The following SLC27A6 variants were observed in gnomAD, a reference collection of about 807,000 sequenced individuals.
SLC27A6 encodes long-chain fatty acid transport protein 6.
SLC27A6 carries 74 observed loss-of-function variants against 63.9 expected under a neutral mutation model. The ratio of observed to expected loss-of-function variants is 1.16; its 90% confidence interval spans 0.96 to 1.40. The LOEUF is 1.40. Among genes scored for constraint, SLC27A6 ranks in the 40% most tolerant of loss-of-function variants. SLC27A6 has a pLI of 0.00. For synonymous variants in SLC27A6, 287 were observed against 260.8 expected, an observed-to-expected ratio of 1.10 and a Z score of -0.97; for missense variants, 794 against 732.9, an observed-to-expected ratio of 1.08 and a Z score of -0.96.
At chr5:128,994,109 G>A (rs1358414624) in intron 4 of SLC27A6, among the ~76,000 whole-genome samples, 1 of 152,006 alleles carries the variant, frequency 6.6e-6, no homozygotes, top group East Asian at 1.9e-4. Flanking sequence ...TGGAGGTTGT[G>A]TGAGCCGAGA....
intron 4 of SLC27A6, among the ~76,000 whole-genome samples, chr5:129,015,308 C>T (rs1010365706): frequency 1.3e-5 from 2 of 151,976 alleles, no homozygotes; most frequent in African/African-American, 2.4e-5. Flanking sequence ...CATTCTAAAA[C>T]AATAATTACA....
chr5:128,995,481 C>A (rs1751126047), intron 4 of SLC27A6, among the ~76,000 whole-genome samples: 1 of 152,148 alleles, frequency 6.6e-6, no homozygotes, highest in Non-Finnish European at 1.5e-5. Flanking sequence ...CAGACAATGA[C>A]AAAGGTTATG....
chr5:129,007,464 A>T (rs199905863), intron 4 of SLC27A6, among the ~76,000 whole-genome samples: 2,123 of 84,192 alleles, frequency 0.025, 32 homozygotes, highest in Middle Eastern at 0.074. Context: ...AAAAAAAAAA[A>T]ATATAATGTT....
chr5:128,999,351 C>T (rs1282692764), intron 4 of SLC27A6, among the ~76,000 whole-genome samples: 2 of 152,104 alleles, frequency 1.3e-5, no homozygotes, highest in Non-Finnish European at 2.9e-5. Flanking sequence ...CAGTTTATGG[C>T]TTCAAAGTCT....
chr5:129,022,254 T>C (rs1319755861), intron 5 of SLC27A6, among the ~76,000 whole-genome samples: 1 of 152,198 alleles, frequency 6.6e-6, no homozygotes, highest in Non-Finnish European at 1.5e-5. Flanking sequence ...ATAATATTAA[T>C]TTCTACATCA....
intron 4 of SLC27A6, among the ~76,000 whole-genome samples, chr5:129,007,936 TAAC>T (rs926138106): frequency 2.2e-4 from 33 of 152,210 alleles, no homozygotes; most frequent in African/African-American, 5.3e-4. Flanking sequence ...ATTTGAATGA[TAAC>T]AATTTGGAAT....
intron 1 of SLC27A6, among the ~76,000 whole-genome samples, chr5:128,981,098 GA>G (rs941338349): frequency 1.3e-5 from 2 of 152,014 alleles, no homozygotes; most frequent in South Asian, 2.1e-4. Flanking sequence ...CATGTGGGAG[GA>G]AAAAAATATG....
chr5:129,029,429 G>A, intron 8 of SLC27A6, 148 bp from the exon 9 acceptor site: 2 of 559,514 alleles, frequency 3.6e-6, no homozygotes, highest in Non-Finnish European at 3.1e-6. Context: ...TATGTTCAGG[G>A]AAGGATACAG....
At chr5:129,013,416 G>A (rs1751790492) in intron 4 of SLC27A6, among the ~76,000 whole-genome samples, 1 of 152,030 alleles carries the variant, frequency 6.6e-6, no homozygotes, top group South Asian at 2.1e-4. Context: ...CTTTAGCTGA[G>A]TATAGAATGC....
chr5:128,965,983 C>T lies in SLC27A6; in HGVS notation c.-155C>T. The T allele has an allele frequency of 1.3e-6, 1 of 796,680 alleles. No homozygotes were observed. Among genetic ancestry groups the T allele is most frequent in the Non-Finnish European group, 1.8e-6 (1 of 550,050 alleles). The allele number at this position is 796,680 out of a possible 1,614,324, so 49.4% of individuals were successfully genotyped here. A position where few individuals can be genotyped will look rare whatever the true frequency, so the allele number is the denominator to read the frequency against. ...CCTACGATTCTGTTTCTCAGGATTC[C>T]TCCCCATCCCGCTTCGCCCCGGAAA... On this transcript the variant is annotated 5_prime_UTR_variant, in exon 1 of 10. Coordinates refer to ENST00000262462, the MANE Select transcript of SLC27A6 (RefSeq NM_001017372.3).
chr5:128,982,399 T>A (rs918209645), intron 1 of SLC27A6, among the ~76,000 whole-genome samples: 6 of 152,182 alleles, frequency 3.9e-5, no homozygotes, highest in Non-Finnish European at 7.3e-5. Context: ...AAATTATCAC[T>A]CTTGGTAAAT....
intron 4 of SLC27A6, among the ~76,000 whole-genome samples, chr5:129,009,734 G>T (rs1452593153): frequency 6.6e-6 from 1 of 152,004 alleles, no homozygotes; most frequent in African/African-American, 2.4e-5. Context: ...GAGTGCAGTG[G>T]CGCGATCTCG....
chr5:128,980,803 C>G (rs1265707886), intron 1 of SLC27A6, among the ~76,000 whole-genome samples: 1 of 152,166 alleles, frequency 6.6e-6, no homozygotes, highest in African/African-American at 2.4e-5. Flanking sequence ...GTATTAACAA[C>G]CATAATCAAT....
intron 2 of SLC27A6, among the ~76,000 whole-genome samples, chr5:128,986,573 AT>A (rs568153182): frequency 2.5e-4 from 38 of 151,808 alleles, no homozygotes; most frequent in South Asian, 1.9e-3. Flanking sequence ...GGAGAATATA[AT>A]TTTTTTTTAC....
chr5:128,988,843 T>A, intron 3 of SLC27A6, 85 bp downstream of exon 3: 1 of 1,094,010 alleles, frequency 9.1e-7, no homozygotes, highest in Non-Finnish European at 1.3e-6. Context: ...GCTGTATCGG[T>A]AGAATTTAGA....
At chr5:128,978,376 A>G (rs1750464162) in intron 1 of SLC27A6, among the ~76,000 whole-genome samples, 1 of 152,178 alleles carries the variant, frequency 6.6e-6, no homozygotes, top group African/African-American at 2.4e-5. Flanking sequence ...TTAATAGTTT[A>G]CCATTTCAGT....
Position 129,021,251 on chromosome 5 carries a change from A to G in SLC27A6, c.1165-2369A>G, listed in dbSNP as rs141229616. Among the ~76,000 whole-genome samples, 376 of 150,772 alleles carry G rather than the reference A, an allele frequency of 2.5e-3. 2 individuals carry two copies. The highest frequency in any genetic ancestry group is 6.8e-3 in the Middle Eastern group (2 of 294). ...ATGACATTCCAAGGACTTAGAGATC[A>G]CCTCCCAGAAGCCAGGACCTCTTTT... On this transcript the variant is annotated intron_variant, in intron 5 of 9. Transcript: ENST00000262462.
intron 1 of SLC27A6, among the ~76,000 whole-genome samples, chr5:128,970,842 G>A (rs914934516): frequency 9.3e-5 from 14 of 149,836 alleles, no homozygotes; most frequent in African/African-American, 3.4e-4. Context: ...TCTTTTAATT[G>A]TGATGTTAGG....
intron 4 of SLC27A6, among the ~76,000 whole-genome samples, chr5:129,009,940 G>T (rs1025037850): frequency 3.3e-5 from 5 of 152,184 alleles, no homozygotes; most frequent in African/African-American, 1.2e-4. Flanking sequence ...GCCTCCCAAA[G>T]TACTGGGATT....
Sources: gnomAD v4.1 joint callset for allele counts (sites outside exome capture counted in the v4.1 genomes callset) on GRCh38, gnomAD v4.1.1 for gene constraint, MANE v1.5 for transcripts, NCBI Gene and HGNC (gene_info 2026-07-23, HGNC 2026-07-21) for gene names.